ALK: variants seen among roughly 807,000 people sequenced by gnomAD.
ALK encodes ALK receptor tyrosine kinase, also known as ALK tyrosine kinase receptor.
In ALK, 74 loss-of-function variants were observed where a neutral mutation model predicts 163.1. That is an observed-to-expected ratio of 0.45 (90% confidence interval 0.38 to 0.55). ALK has a LOEUF of 0.55. ALK is among the 20% of genes least tolerant of loss of function. ALK has a pLI of 0.00. For synonymous variants in ALK, 960 were observed against 843.2 expected, an observed-to-expected ratio of 1.14 and a Z score of -2.40; for missense variants, 2,063 against 2,105.3, an observed-to-expected ratio of 0.98 and a Z score of 0.39.
rs11689436 is a variant in ALK, at chr2:29,223,116, G to C, written c.3359+226C>G. Among the ~76,000 whole-genome samples, 56,431 of 151,996 alleles carry C rather than the reference G, an allele frequency of 0.37. 12,078 individuals carry two copies. Among genetic ancestry groups the C allele is most frequent in the Non-Finnish European group, 0.48 (32,662 of 67,914 alleles). ...AGCACATCTGAATGAATTTTGAGGA[G>C]AGCCCTGGTTCTCCTCTCATTGTAT... On this transcript the variant is annotated intron_variant, in intron 20 of 28. Transcript: ENST00000389048.
intron 1 of ALK, among the ~76,000 whole-genome samples, chr2:29,808,479 C>T (rs1339938784): frequency 1.3e-5 from 2 of 152,186 alleles, no homozygotes; most frequent in African/African-American, 2.4e-5. Context: ...TGCATCACAT[C>T]GTAGTGACAG....
intron 1 of ALK, among the ~76,000 whole-genome samples, chr2:29,911,771 A>G (rs1019586460): frequency 6.6e-6 from 1 of 152,086 alleles, no homozygotes; most frequent in African/African-American, 2.4e-5. Context: ...ACATAAAAGA[A>G]AAAAAATGAC....
intron 1 of ALK, among the ~76,000 whole-genome samples, chr2:29,752,059 C>A (rs1398822864): frequency 6.6e-6 from 1 of 152,152 alleles, no homozygotes; most frequent in Non-Finnish European, 1.5e-5. Context: ...TCATCAAAGA[C>A]CTTACCTGTA....
chr2:29,640,930 T>A (rs545494710), intron 3 of ALK, among the ~76,000 whole-genome samples: 1 of 151,968 alleles, frequency 6.6e-6, no homozygotes, highest in African/African-American at 2.4e-5. Flanking sequence ...GTATTATGAA[T>A]AGAAAGAAGA....
chr2:29,726,389 G>A (rs2148314121), intron 1 of ALK, among the ~76,000 whole-genome samples: 1 of 152,250 alleles, frequency 6.6e-6, no homozygotes, highest in African/African-American at 2.4e-5. Flanking sequence ...GCTTTACCAA[G>A]CACTAAATAA....
intron 4 of ALK, among the ~76,000 whole-genome samples, chr2:29,425,969 A>T (rs1297144218): frequency 6.6e-6 from 1 of 152,176 alleles, no homozygotes; most frequent in African/African-American, 2.4e-5. Flanking sequence ...AAAACCTTCA[A>T]AGAGTGGCCT....
intron 1 of ALK, among the ~76,000 whole-genome samples, chr2:29,900,930 C>T (rs930006603): frequency 2.0e-5 from 3 of 152,092 alleles, no homozygotes; most frequent in African/African-American, 7.3e-5. Flanking sequence ...TTTCATCCTA[C>T]TCCACAGGCT....
intron 1 of ALK, among the ~76,000 whole-genome samples, chr2:29,722,227 G>A (rs1679441845): frequency 6.6e-6 from 1 of 152,198 alleles, no homozygotes; most frequent in African/African-American, 2.4e-5. Context: ...GAACTGTCAT[G>A]GCTGAGTATT....
intron 1 of ALK, among the ~76,000 whole-genome samples, chr2:29,875,117 T>C (rs1666670509): frequency 6.6e-6 from 1 of 152,146 alleles, no homozygotes; most frequent in Admixed American, 6.5e-5. Context: ...ATAACCCAAA[T>C]GACCATCAAT....
At chr2:29,731,624 T>G (rs1002833352) in intron 1 of ALK, among the ~76,000 whole-genome samples, 2 of 152,186 alleles carry the variant, frequency 1.3e-5, no homozygotes. Flanking sequence ...TAGATACAGG[T>G]AGGTCACACT....
At chr2:29,332,318 A>G in intron 5 of ALK, among the ~76,000 whole-genome samples, 1 of 144,948 alleles carries the variant, frequency 6.9e-6, no homozygotes, top group Non-Finnish European at 1.5e-5. Flanking sequence ...AAAAAAAAAA[A>G]AAAAAAGTCT....
intron 4 of ALK, among the ~76,000 whole-genome samples, chr2:29,412,162 T>C (rs1350421249): frequency 6.6e-6 from 1 of 152,200 alleles, no homozygotes; most frequent in Non-Finnish European, 1.5e-5. Context: ...GAGACACCAC[T>C]TTGATCTTGG....
At chr2:29,307,798 C>T (rs1666565984) in intron 8 of ALK, among the ~76,000 whole-genome samples, 1 of 152,146 alleles carries the variant, frequency 6.6e-6, no homozygotes. Flanking sequence ...AAATAAAACA[C>T]GTTTCTGGCA....
At chr2:29,252,304 T>C (rs1018632307) in intron 11 of ALK, among the ~76,000 whole-genome samples, 43 of 152,064 alleles carry the variant, frequency 2.8e-4, no homozygotes, top group African/African-American at 1.0e-3. Context: ...TTTAAAAAGG[T>C]GTTGTTGATA....
intron 4 of ALK, among the ~76,000 whole-genome samples, chr2:29,449,896 C>T (rs1184291060): frequency 6.6e-6 from 1 of 152,164 alleles, no homozygotes; most frequent in Non-Finnish European, 1.5e-5. Flanking sequence ...TGTCTGGACT[C>T]CCCAGTTACC....
intron 1 of ALK, among the ~76,000 whole-genome samples, chr2:29,737,445 T>C (rs759758482): frequency 7.9e-5 from 12 of 152,100 alleles, no homozygotes; most frequent in Non-Finnish European, 1.8e-4. Flanking sequence ...AAAATGGGTC[T>C]GGATGTATGA....
At chr2:29,711,034 T>C (rs1558454101) in intron 2 of ALK, among the ~76,000 whole-genome samples, 1 of 152,204 alleles carries the variant, frequency 6.6e-6, no homozygotes, top group Non-Finnish European at 1.5e-5. Flanking sequence ...GTCAATGACA[T>C]CTTCATCCAC....
At chr2:29,288,643 T>A (rs1162587887) in intron 9 of ALK, among the ~76,000 whole-genome samples, 1 of 151,978 alleles carries the variant, frequency 6.6e-6, no homozygotes, top group African/African-American at 2.4e-5. Flanking sequence ...AAAGGGTGAG[T>A]GTTTGAGCTA....
At chr2:29,520,721 C>T (rs929268088) in intron 4 of ALK, among the ~76,000 whole-genome samples, 3 of 151,978 alleles carry the variant, frequency 2.0e-5, no homozygotes, top group Non-Finnish European at 2.9e-5. Flanking sequence ...CACTTGGGGG[C>T]AACTGTGGGT....
Sources: allele counts gnomAD v4.1 joint callset (sites outside exome capture counted in the v4.1 genomes callset), GRCh38; gene constraint gnomAD v4.1.1; transcripts MANE v1.5; gene names NCBI Gene and HGNC (gene_info 2026-07-23, HGNC 2026-07-21).